PKNOX2: variants seen among roughly 807,000 people sequenced by gnomAD.
PKNOX2 encodes PBX/knotted 1 homeobox 2, also known as homeobox protein PKNOX2.
Under a neutral mutation model 53.1 loss-of-function variants are expected in PKNOX2, and 14 were observed. That is an observed-to-expected ratio of 0.26 (90% CI 0.17 to 0.41). The LOEUF (loss-of-function observed/expected upper bound fraction) is 0.41, where lower values mean the gene tolerates loss of function less well. Among genes scored for constraint, PKNOX2 ranks in the 10% least tolerant of loss-of-function variants. The pLI, the probability that PKNOX2 is intolerant of heterozygous loss-of-function variation, is 1.00. For missense variants in PKNOX2, 496 were observed against 602.8 expected (o/e 0.82, Z 1.85); for synonymous variants, 257 against 242.8 (o/e 1.06, Z -0.54).
At chr11:125,266,207 C>T (rs111715727) in intron 2 of PKNOX2, among the ~76,000 whole-genome samples, 78 of 152,266 alleles carry the variant, frequency 5.1e-4, no homozygotes, top group South Asian at 1.0e-3. Context: ...ACCACCTCCT[C>T]CCCCGTCAGT....
At chr11:125,396,323 T>G (rs7123337) in intron 6 of PKNOX2, among the ~76,000 whole-genome samples, 27,183 of 131,690 alleles carry the variant, frequency 0.21, 2,924 homozygotes, top group African/African-American at 0.3. Context: ...TTTTTTCCTG[T>G]TTTTTTTTAA....
chr11:125,315,854 C>A (rs1018485731), intron 2 of PKNOX2, among the ~76,000 whole-genome samples: 1 of 152,162 alleles, frequency 6.6e-6, no homozygotes, highest in African/African-American at 2.4e-5. Context: ...TCCTCTGGCT[C>A]TACACTACAA....
intron 1 of PKNOX2, among the ~76,000 whole-genome samples, chr11:125,231,723 GGT>G (rs752521063): frequency 0.02 from 3,043 of 151,062 alleles, 105 homozygotes; most frequent in African/African-American, 0.069. Flanking sequence ...GTGTGTGGGG[GGT>G]GTGTGTGTGT....
Position 125,392,897 on chromosome 11 carries a change from G to A in PKNOX2, c.400-4977G>A, listed in dbSNP as rs1262432019. On this transcript the variant is annotated intron_variant, in intron 6 of 12. Transcript: ENST00000298282. ...AGTTTGGCCGGGCGCGGTGGCTCAC[G>A]CCTGTAATCCCAGCACTTTGGGAGG... Among the ~76,000 whole-genome samples, 3 of 152,040 alleles carry A rather than the reference G, an allele frequency of 2.0e-5. No individual in the cohort carries two copies. The East Asian group carries it at 5.8e-4, about 29-fold the overall frequency.
chr11:125,208,223 G>T (rs1054753771), intron 1 of PKNOX2, among the ~76,000 whole-genome samples: 18 of 152,070 alleles, frequency 1.2e-4, no homozygotes, highest in African/African-American at 3.4e-4. Context: ...ATATGCAAAG[G>T]TCCTGAGGCA....
At chr11:125,360,807 A>G (rs1158155552) in intron 4 of PKNOX2, among the ~76,000 whole-genome samples, 3 of 152,246 alleles carry the variant, frequency 2.0e-5, no homozygotes, top group African/African-American at 7.2e-5. Flanking sequence ...GCTACTTTGC[A>G]TATAATTGTC....
intron 2 of PKNOX2, among the ~76,000 whole-genome samples, chr11:125,326,149 G>T (rs369621927): frequency 2.0e-5 from 3 of 152,308 alleles, no homozygotes; most frequent in South Asian, 2.1e-4. Context: ...AGCTTATGAT[G>T]ACATCGAGGG....
chr11:125,389,766 C>T (rs143409866), intron 6 of PKNOX2, among the ~76,000 whole-genome samples: 15 of 152,322 alleles, frequency 9.8e-5, no homozygotes, highest in East Asian at 9.6e-4. Context: ...GGCTGTAAAA[C>T]GTACGGTTTC....
chr11:125,186,538 G>A (rs751153675), intron 1 of PKNOX2, among the ~76,000 whole-genome samples: 24 of 152,160 alleles, frequency 1.6e-4, no homozygotes, highest in Non-Finnish European at 3.1e-4. Context: ...TGTAGTCCCA[G>A]CTACTCAGGA....
intron 2 of PKNOX2, among the ~76,000 whole-genome samples, chr11:125,327,516 A>AAT (rs1278569275): frequency 5.9e-5 from 9 of 152,180 alleles, no homozygotes; most frequent in Non-Finnish European, 4.4e-5. Context: ...GCTGCTTATT[A>AAT]GCTTTCAGAG....
chr11:125,408,341 G>A (rs192846818), intron 7 of PKNOX2, among the ~76,000 whole-genome samples: 8 of 152,300 alleles, frequency 5.3e-5, no homozygotes, highest in Admixed American at 2.6e-4. Context: ...TAAGCTTCAC[G>A]GGCTAGGCGG....
intron 1 of PKNOX2, 58 bp downstream of exon 1, chr11:125,164,834 G>C (rs550084216): frequency 1.1e-5 from 2 of 178,776 alleles, no homozygotes; most frequent in African/African-American, 2.4e-5. Context: ...GCGGCGGCGC[G>C]GCGGCGGCTG....
chr11:125,359,157 A>AAAGGCAGGAAGGTGGACACCATC (rs1951788178), intron 4 of PKNOX2, among the ~76,000 whole-genome samples: 1 of 135,942 alleles, frequency 7.4e-6, no homozygotes, highest in African/African-American at 3.0e-5. Context: ...GGACACCATC[A>AAAGGCAGGAAGGTGGACACCATC]GGTGCGCTCA....
chr11:125,209,593 A>G (rs1939580213), intron 1 of PKNOX2, among the ~76,000 whole-genome samples: 1 of 152,026 alleles, frequency 6.6e-6, no homozygotes, highest in African/African-American at 2.4e-5. Context: ...GCACAGAACC[A>G]ATGGCTACAG....
rs1275727246 is a variant in PKNOX2, at chr11:125,422,190, C to T, written c.937-6822C>T. The stretch of plus-strand genomic sequence containing the variant: ...TGTGGTCCTCAAACCCTCTTCACCC[C>T]TTATTCTCACTCTTGAAACCTGGGA... On this transcript the variant is annotated intron_variant, in intron 10 of 12. Coordinates refer to ENST00000298282, the MANE Select transcript of PKNOX2 (RefSeq NM_001382323.2). This position sits in a 1 kb window ranked among gnomAD's most constrained non-coding sequence, Gnocchi z 4.1. 6.6e-6 allele frequency among the ~76,000 whole-genome samples: 1 copy of T among 152,164 alleles called. No individual in the cohort carries two copies. Among genetic ancestry groups the T allele is most frequent in the East Asian group, 1.9e-4 (1 of 5,186 alleles).
chr11:125,222,525 C>A (rs1484789973), intron 1 of PKNOX2, among the ~76,000 whole-genome samples: 1 of 152,058 alleles, frequency 6.6e-6, no homozygotes, highest in Non-Finnish European at 1.5e-5. Context: ...TTTCCAGATG[C>A]CTTTTCTAAC....
rs61917771 is a variant in PKNOX2, at chr11:125,299,372, G to A, written c.-129-32447G>A. Among the ~76,000 whole-genome samples the A allele has an allele frequency of 2.0e-3, 306 of 152,024 alleles. 1 individual carries two copies. The highest frequency in any genetic ancestry group is 7.0e-3 in the African/African-American group (289 of 41,460). On this transcript the variant is annotated intron_variant, in intron 2 of 12. Transcript: ENST00000298282. ...CTAAACCCAGCTGTAGTCTGAGTGC[G>A]TAACTCTGGTTGCCTGCTTCCCCTC...
At position 125,384,410 on chromosome 11, in the gene PKNOX2, G is replaced by A. The variant is rs149935356; in HGVS notation, c.228-1141G>A. ...AAGATAAAATCCATAGAGCCAGGCC[G>A]GGTGGTGGCTCACGCCTGTAATCTC... On this transcript the variant is annotated intron_variant, in intron 5 of 12. Coordinates refer to ENST00000298282, the MANE Select transcript of PKNOX2 (RefSeq NM_001382323.2). Among the ~76,000 whole-genome samples the A allele has an allele frequency of 7.4e-3, 1,133 of 152,306 alleles. 12 individuals carry two copies. Among genetic ancestry groups the A allele is most frequent in the African/African-American group, 0.026 (1,080 of 41,550 alleles).
intron 5 of PKNOX2, among the ~76,000 whole-genome samples, chr11:125,376,074 C>T (rs541462460): frequency 3.3e-5 from 5 of 152,268 alleles, no homozygotes; most frequent in South Asian, 2.1e-4. Flanking sequence ...CACATAGATG[C>T]GTTTAATGTG....
Sources: gnomAD v4.1 joint callset for allele counts (sites outside exome capture counted in the v4.1 genomes callset) on GRCh38, gnomAD v4.1.1 for gene constraint, Gnocchi (gnomAD v3.1) non-coding constraint, MANE v1.5 for transcripts, NCBI Gene and HGNC (gene_info 2026-07-23, HGNC 2026-07-21) for gene names.